Variants in DUSP19 observed in about 807,000 individuals in gnomAD.
The protein encoded by DUSP19 is dual specificity phosphatase 19.
Under a neutral mutation model 16.6 loss-of-function variants are expected in DUSP19, and 14 were observed. The ratio of observed to expected loss-of-function variants is 0.84; its 90% CI spans 0.56 to 1.32. The LOEUF (loss-of-function observed/expected upper bound fraction) is 1.32, where lower values mean the gene tolerates loss of function less well. Among genes scored for constraint, DUSP19 ranks in the 40% most tolerant of loss-of-function variants. The pLI is 0.00. For missense variants in DUSP19, 258 were observed against 255.9 expected (o/e 1.01, Z -0.06); for synonymous variants, 81 against 90.5 (o/e 0.90, Z 0.59).
chr2:183,089,077 G>T (rs544976343), intron 3 of DUSP19, among the ~76,000 whole-genome samples: 1 of 152,322 alleles, frequency 6.6e-6, no homozygotes, highest in African/African-American at 2.4e-5. Context: ...CAGTAAATTA[G>T]AGTGGATTTT....
Position 183,095,954 on chromosome 2 carries a change from G to A in DUSP19, c.*296G>A, listed in dbSNP as rs1480989047. 2 of 191,302 alleles carry A rather than the reference G, an allele frequency of 1.0e-5. No individual in the cohort carries two copies. Among genetic ancestry groups the A allele is most frequent in the African/African-American group, 4.6e-5 (2 of 43,016 alleles). 11.9% of individuals were successfully genotyped at this position (191,302 alleles called of 1,614,324 possible). On this transcript the variant is annotated 3_prime_UTR_variant, in exon 4 of 4. Transcript: ENST00000354221. ...GAAGAAAAAGGTTTAAATTTAAAATGTGTATTTAGAGCATGGAGAGAATCA... is the reference window on the plus strand; with the variant it reads ...GAAGAAAAAGGTTTAAATTTAAAATATGTATTTAGAGCATGGAGAGAATCA...
rs1468419001 is a variant in DUSP19 at position 183,099,379 on chromosome 2, G to A, written c.*3721G>A. On this transcript the variant is annotated 3_prime_UTR_variant, in exon 4 of 4. Coordinates refer to ENST00000354221, the MANE Select transcript of DUSP19 (RefSeq NM_080876.4). Reference sequence around the variant, plus strand: ...GCCTGAAGGATCCTGAACATATTTAGTTACCCTGTAGTTATTTAGGAATTT... The same window carrying A: ...GCCTGAAGGATCCTGAACATATTTAATTACCCTGTAGTTATTTAGGAATTT... 6.6e-6 allele frequency: 1 copy of A among 152,128 alleles called. No individual in the cohort carries two copies. The highest frequency in any genetic ancestry group is 1.5e-5 in the Non-Finnish European group (1 of 68,010). 9.4% of individuals were successfully genotyped at this position (152,128 alleles called of 1,614,324 possible). A position where few individuals can be genotyped will look rare whatever the true frequency, so the allele number is the denominator to read the frequency against.
At position 183,098,867 on chromosome 2, in the gene DUSP19, G is replaced by T. The variant is rs988068208; in HGVS notation, c.*3209G>T. 1 of 152,054 alleles carries T rather than the reference G, an allele frequency of 6.6e-6. No homozygotes were observed. Among genetic ancestry groups the T allele is most frequent in the Non-Finnish European group, 1.5e-5 (1 of 67,980 alleles). 9.4% of individuals were successfully genotyped at this position (152,054 alleles called of 1,614,324 possible). ...ACACTCAAGAAGTATGTAGATTTTT[G>T]AAAAACCCAAACAATATTCTTCTTA... On this transcript the variant is annotated 3_prime_UTR_variant, in exon 4 of 4. Transcript: ENST00000354221.
In DUSP19 at chr2:183,097,135, C is replaced by T. The variant is rs1470645822; in HGVS notation, c.*1477C>T. ...CTACCTCCTGGGCTCAAGCAGTCCT[C>T]CCACCTCAGTCTCCTGAGTAGCTGA... is the stretch of plus-strand genomic sequence containing the variant. On this transcript the variant is annotated 3_prime_UTR_variant, in exon 4 of 4. Coordinates refer to ENST00000354221, the MANE Select transcript of DUSP19 (RefSeq NM_080876.4). The T allele has an allele frequency of 6.6e-6, 1 of 151,866 alleles. No homozygotes were observed. Among genetic ancestry groups the T allele is most frequent in the East Asian group, 1.9e-4 (1 of 5,156 alleles). The allele number at this position is 151,866 out of a possible 1,614,324, so 9.4% of individuals were successfully genotyped here.
intron 2 of DUSP19, 33 bp downstream of exon 2, chr2:183,083,587 C>T: frequency 1.3e-6 from 2 of 1,562,706 alleles, no homozygotes; most frequent in Non-Finnish European, 1.7e-6. Flanking sequence ...GCACCATATA[C>T]ACAGAATATT....
At chr2:183,085,864 T>TTG (rs1699654523) in intron 2 of DUSP19, among the ~76,000 whole-genome samples, 1 of 126,686 alleles carries the variant, frequency 7.9e-6, no homozygotes, top group African/African-American at 3.0e-5. Flanking sequence ...TTTTTTTTTT[T>TTG]TTTTTTTTTT....
chr2:183,098,322 G>A lies in DUSP19; in HGVS notation c.*2664G>A, dbSNP rs973066686. On this transcript the variant is annotated 3_prime_UTR_variant, in exon 4 of 4. Coordinates refer to ENST00000354221, the MANE Select transcript of DUSP19 (RefSeq NM_080876.4). ...CTTTGAGCATCAAATTTGTTTTAAC[G>A]TTAAATTGTAGTTTGCTGTATTAAA... 2.6e-5 allele frequency: 4 copies of A among 152,112 alleles called. No homozygotes were observed. The highest frequency in any genetic ancestry group is 6.5e-5 in the Admixed American group (1 of 15,268). 9.4% of individuals were successfully genotyped at this position (152,112 alleles called of 1,614,324 possible).
At chr2:183,080,899 C>G (rs1699584562) in intron 1 of DUSP19, among the ~76,000 whole-genome samples, 1 of 152,174 alleles carries the variant, frequency 6.6e-6, no homozygotes, top group Non-Finnish European at 1.5e-5. Context: ...GTGGTTCCAC[C>G]CGCAGTTCTT....
At chr2:183,083,656 A>G in intron 2 of DUSP19, 102 bp downstream of exon 2, 1 of 915,956 alleles carries the variant, frequency 1.1e-6, no homozygotes, top group Non-Finnish European at 1.6e-6. Flanking sequence ...TATGGAGTTT[A>G]TTTGGTAACA....
chr2:183,081,549 A>T (rs997127508), intron 1 of DUSP19, among the ~76,000 whole-genome samples: 1 of 152,160 alleles, frequency 6.6e-6, no homozygotes, highest in African/African-American at 2.4e-5. Context: ...GCCTGACTAA[A>T]CCACCAAATT....
In DUSP19 at chr2:183,096,196, G is replaced by A. The variant is rs1461726432; in HGVS notation, c.*538G>A. On this transcript the variant is annotated 3_prime_UTR_variant, in exon 4 of 4. Coordinates refer to ENST00000354221, the MANE Select transcript of DUSP19 (RefSeq NM_080876.4). ...GCTACAATATTCACAAAATTCTTAT[G>A]TTCTCTTATGAAAAATATACACTTT... 3 of 150,084 alleles carry A rather than the reference G, an allele frequency of 2.0e-5. No individual in the cohort carries two copies. Among genetic ancestry groups the A allele is most frequent in the Non-Finnish European group, 4.4e-5 (3 of 67,500 alleles). 9.3% of individuals were successfully genotyped at this position (150,084 alleles called of 1,614,324 possible).
At chr2:183,081,494 G>C (rs536518296) in intron 1 of DUSP19, among the ~76,000 whole-genome samples, 2 of 152,072 alleles carry the variant, frequency 1.3e-5, no homozygotes, top group Non-Finnish European at 2.9e-5. Flanking sequence ...CAGTCTGCCC[G>C]CCTTGGCCTC....
intron 3 of DUSP19, among the ~76,000 whole-genome samples, chr2:183,090,874 A>G (rs1699723380): frequency 1.3e-5 from 2 of 152,212 alleles, no homozygotes; most frequent in African/African-American, 4.8e-5. Context: ...GGCTGAGGCC[A>G]GCAGGCCTCT....
rs772686900 is a variant in DUSP19 at position 183,098,767 on chromosome 2, A to T, written c.*3109A>T. ...AATTCTATTTATTTGAGGTTAATTG[A>T]AGTTAATAATTTTTAAATTTTTTTC... On this transcript the variant is annotated 3_prime_UTR_variant, in exon 4 of 4. Coordinates refer to ENST00000354221, the MANE Select transcript of DUSP19 (RefSeq NM_080876.4). 3.3e-5 allele frequency: 5 copies of T among 152,190 alleles called. No homozygotes were observed. Among genetic ancestry groups the T allele is most frequent in the Non-Finnish European group, 7.4e-5 (5 of 68,006 alleles). 9.4% of individuals were successfully genotyped at this position (152,190 alleles called of 1,614,324 possible).
chr2:183,083,318 A>G, intron 1 of DUSP19, 190 bp from the exon 2 acceptor site: 1 of 479,682 alleles, frequency 2.1e-6, no homozygotes, highest in Non-Finnish European at 3.7e-6. Context: ...ACAAATTTTT[A>G]GAAGTAGGAT....
intron 1 of DUSP19, among the ~76,000 whole-genome samples, chr2:183,080,187 C>G (rs570291876): frequency 6.6e-6 from 1 of 152,168 alleles, no homozygotes; most frequent in Non-Finnish European, 1.5e-5. Flanking sequence ...AATCCTGCTC[C>G]GCCTCTAATT....
intron 1 of DUSP19, among the ~76,000 whole-genome samples, chr2:183,080,202 A>T (rs1044731475): frequency 6.6e-6 from 1 of 152,188 alleles, no homozygotes; most frequent in Non-Finnish European, 1.5e-5. Context: ...CTAATTTACT[A>T]GATTAGCTGG....
chr2:183,082,420 T>C (rs1002570376), intron 1 of DUSP19, among the ~76,000 whole-genome samples: 1 of 6,396 alleles, frequency 1.6e-4, no homozygotes, highest in Non-Finnish European at 3.9e-4. Context: ...AACATTTTTC[T>C]TTTTTTTTTT....
rs112053945 is a variant in DUSP19 at position 183,086,847 on chromosome 2, AAGAGAG to A, written c.274-179_274-174del. Among the ~76,000 whole-genome samples, 4 of 150,136 alleles carry A rather than the reference AAGAGAG, an allele frequency of 2.7e-5. No individual in the cohort carries two copies. The East Asian group carries it at 5.9e-4, about 22-fold the overall frequency. ...CTGCATGATGATAATAATAAGTTAA[AAGAGAG>A]AGAGAGAGAGAGAAAACATATAGTA... is the stretch of plus-strand genomic sequence containing the variant. On this transcript the variant is annotated intron_variant, in intron 2 of 3. Transcript: ENST00000354221.
Sources: gnomAD v4.1 joint callset for allele counts (sites outside exome capture counted in the v4.1 genomes callset) on GRCh38, gnomAD v4.1.1 for gene constraint, MANE v1.5 for transcripts, NCBI Gene and HGNC (gene_info 2026-07-23, HGNC 2026-07-21) for gene names.